Variants in FMOD observed in about 807,000 individuals in gnomAD.
The protein encoded by FMOD is fibromodulin, also known as KSPG fibromodulin.
In FMOD, 15 loss-of-function variants were observed where a neutral mutation model predicts 27.0. That is an observed-to-expected ratio of 0.55 (90% CI 0.37 to 0.85). The LOEUF (loss-of-function observed/expected upper bound fraction) is 0.85, where lower values mean the gene tolerates loss of function less well. FMOD is among the 40% of genes least tolerant of loss of function. The pLI, the probability that FMOD is intolerant of heterozygous loss-of-function variation, is 0.00. For synonymous variants in FMOD, 210 were observed against 214.0 expected (o/e 0.98, Z 0.16); for missense variants, 460 against 483.2 (o/e 0.95, Z 0.45).
At chr1:203,348,567 A>G (rs920224935) in intron 1 of FMOD, among the ~76,000 whole-genome samples, 1 of 151,072 alleles carries the variant, frequency 6.6e-6, no homozygotes, top group Non-Finnish European at 1.5e-5. Flanking sequence ...TTTTTTTTGG[A>G]GGGGCAGATT....
chr1:203,345,932 C>T (rs755742443), intron 2 of FMOD, among the ~76,000 whole-genome samples: 1 of 151,476 alleles, frequency 6.6e-6, no homozygotes, highest in Non-Finnish European at 1.5e-5. Context: ...GAGGACCCCT[C>T]AATCCCCACC....
intron 1 of FMOD, among the ~76,000 whole-genome samples, chr1:203,350,563 C>T (rs569168258): frequency 2.1e-5 from 3 of 144,272 alleles, no homozygotes; most frequent in African/African-American, 8.1e-5. Context: ...TTTATTCTCT[C>T]CTTTCCACTC....
At position 203,347,467 on chromosome 1, in the gene FMOD, G is replaced by A. The variant is rs1215483987; in HGVS notation, c.804C>T (p.Pro268=). ...GGGACAGCCGCACATACAGCAGCTT[G>A]GGCGCCCCCCGGAAGTAGCTATCGG... is the stretch of plus-strand genomic sequence containing the variant. ...TVPDSYFRGA[P]KLLYVRLSHN... The change falls in exon 2 of 3, where the codon CCC becomes CCT. Residue 268 remains proline (P), a synonymous_variant. Transcript: ENST00000354955. 3.1e-6 allele frequency: 5 copies of A among 1,613,972 alleles called. No homozygotes were observed. Among genetic ancestry groups the A allele is most frequent in the Non-Finnish European group, 2.5e-6 (3 of 1,180,034 alleles).
At chr1:203,343,295 A>C (rs2102301387) in intron 2 of FMOD, among the ~76,000 whole-genome samples, 1 of 152,288 alleles carries the variant, frequency 6.6e-6, no homozygotes, top group Middle Eastern at 3.4e-3. Context: ...TATTAGCATA[A>C]ATCTTTCTGT....
chr1:203,347,490 C>A lies in FMOD; in HGVS notation c.781G>T (p.Asp261Tyr). 6.2e-7 allele frequency: 1 copy of A among 1,614,186 alleles called. No homozygotes were observed. Among genetic ancestry groups the A allele is most frequent in the Non-Finnish European group, 8.5e-7 (1 of 1,180,030 alleles). Residue 261 changes from aspartate to tyrosine, a missense_variant, in exon 2 of 3, where the codon GAT (aspartate) becomes TAT (tyrosine). By Grantham distance (160) the Asp-to-Tyr change is radical. Coordinates refer to ENST00000354955, the MANE Select transcript of FMOD (RefSeq NM_002023.5). ...MEHNNVYTVP[D>Y]SYFRGAPKLL... is the part of the protein sequence containing the mutation. ...TTGGGCGCCCCCCGGAAGTAGCTAT[C>A]GGGGACGGTGTAGACATTGTTGTGC...
At chr1:203,345,460 A>C (rs2102302774) in intron 2 of FMOD, among the ~76,000 whole-genome samples, 1 of 152,294 alleles carries the variant, frequency 6.6e-6, no homozygotes, top group Middle Eastern at 3.4e-3. Context: ...TCAGGGTCAA[A>C]CTTGGATGAA....
At position 203,347,498 on chromosome 1, in the gene FMOD, G is replaced by T; in HGVS notation, c.773C>A (p.Thr258Asn). The T allele has an allele frequency of 6.2e-7, 1 of 1,614,192 alleles. No individual in the cohort carries two copies. The highest frequency in any genetic ancestry group is 8.5e-7 in the Non-Finnish European group (1 of 1,180,036). The change falls in exon 2 of 3, where the codon ACC (threonine) becomes AAC (asparagine). Residue 258 changes from threonine to asparagine, a missense_variant. Coordinates refer to ENST00000354955, the MANE Select transcript of FMOD (RefSeq NM_002023.5). Reference protein sequence around the residue: ...QLYMEHNNVYTVPDSYFRGAP... With the variant: ...QLYMEHNNVYNVPDSYFRGAP... The stretch of plus-strand genomic sequence containing the variant: ...CCCCCGGAAGTAGCTATCGGGGACG[G>T]TGTAGACATTGTTGTGCTCCATGTA...
At chr1:203,343,016 G>A (rs1571516329) in intron 2 of FMOD, among the ~76,000 whole-genome samples, 1 of 152,166 alleles carries the variant, frequency 6.6e-6, no homozygotes, top group Admixed American at 6.6e-5. Context: ...AGAGACAAGT[G>A]TCTTTGTGTG....
At position 203,347,780 on chromosome 1, in the gene FMOD, T is replaced by C; in HGVS notation, c.491A>G (p.His164Arg). Residue 164 changes from histidine (H) to arginine (R), a missense_variant, in exon 2 of 3, where the codon CAC becomes CGC. Coordinates refer to ENST00000354955, the MANE Select transcript of FMOD (RefSeq NM_002023.5). ...LRHLERLYLD[H>R]NNLTRMPGPL... ...ACCGGGCATCCGGGTCAGGTTGTTG[T>C]GGTCCAGGTACAGCCTCTCCAGGTG... The C allele has an allele frequency of 1.9e-6, 3 of 1,613,896 alleles. No homozygotes were observed. The highest frequency in any genetic ancestry group is 2.5e-6 in the Non-Finnish European group (3 of 1,180,036).
chr1:203,345,894 T>C (rs895557035), intron 2 of FMOD, among the ~76,000 whole-genome samples: 90 of 39,212 alleles, frequency 2.3e-3, no homozygotes, highest in African/African-American at 4.6e-3. Context: ...CGAGACTCTG[T>C]CTCAAAAAAA....
chr1:203,343,849 T>G (rs547271929), intron 2 of FMOD, among the ~76,000 whole-genome samples: 1 of 152,362 alleles, frequency 6.6e-6, no homozygotes, highest in South Asian at 2.1e-4. Flanking sequence ...AAAGTGTTTT[T>G]AAATTAGCAT....
At position 203,341,188 on chromosome 1, in the gene FMOD, G is replaced by T. The variant is rs1658788987; in HGVS notation, c.*1155C>A. 1.3e-5 allele frequency: 2 copies of T among 152,230 alleles called. No individual in the cohort carries two copies. The highest frequency in any genetic ancestry group is 4.8e-5 in the African/African-American group (2 of 41,452). The allele number at this position is 152,230 out of a possible 1,614,324, so 9.4% of individuals were successfully genotyped here. On this transcript the variant is annotated 3_prime_UTR_variant, in exon 3 of 3. Coordinates refer to ENST00000354955, the MANE Select transcript of FMOD (RefSeq NM_002023.5). ...CCTGGCCTGGGCTTCACGGACCCCA[G>T]CCAGAGCTGGTACTTTTTAACTATG... is the stretch of plus-strand genomic sequence containing the variant.
In FMOD at chr1:203,348,025, G is replaced by A. The variant is rs775590878; in HGVS notation, c.246C>T (p.Cys82=). The change falls in exon 2 of 3, where the codon TGC becomes TGT. Residue 82 remains cysteine (C), a synonymous_variant. Transcript: ENST00000354955. The stretch of plus-strand genomic sequence containing the variant: ...ACATGGCCGTGGGGAAGTTGGGTGG[G>A]CAGTCGCACTCCTGGGGGCAGTCGC... ...DPRDCPQECD[C]PPNFPTAMYC... The A allele has an allele frequency of 2.5e-6, 4 of 1,609,954 alleles. No homozygotes were observed. In the South Asian group the frequency reaches 4.4e-5, roughly 18 times the overall value.
chr1:203,342,403 G>T lies in FMOD; in HGVS notation c.1071C>A (p.Arg357=). ...VLRLDGNEIK[R]SAMPADAPLC... ...GGGGCGCGTCGGCAGGCATGGCGCT[G>T]CGCTTGATCTCGTTCCCGTCCAGGC... The change falls in exon 3 of 3, where the codon CGC becomes CGA. Residue 357 remains arginine, a synonymous_variant. Transcript: ENST00000354955. 6.2e-7 allele frequency: 1 copy of T among 1,614,118 alleles called. No homozygotes were observed. Among genetic ancestry groups the T allele is most frequent in the Non-Finnish European group, 8.5e-7 (1 of 1,180,006 alleles).
In FMOD at chr1:203,347,453, A is replaced by T. The variant is rs372909728; in HGVS notation, c.818T>A (p.Val273Glu). The T allele has an allele frequency of 6.2e-7, 1 of 1,614,196 alleles. No individual in the cohort carries two copies. Among genetic ancestry groups the T allele is most frequent in the Non-Finnish European group, 8.5e-7 (1 of 1,180,040 alleles). The change falls in exon 2 of 3, where the codon GTG becomes GAG. Residue 273 changes from valine (V) to glutamate (E), a missense_variant. Val to Glu is a moderately radical substitution (Grantham distance 121, BLOSUM62 -2). Transcript: ENST00000354955. The stretch of plus-strand genomic sequence containing the variant: ...GGTTAGACTGTTGTGGGACAGCCGC[A>T]CATACAGCAGCTTGGGCGCCCCCCG... ...YFRGAPKLLY[V>E]RLSHNSLTNN...
At position 203,342,465 on chromosome 1, in the gene FMOD, C is replaced by T. The variant is rs1481810664; in HGVS notation, c.1009G>A (p.Val337Met). The T allele has an allele frequency of 6.2e-7, 1 of 1,614,130 alleles. No individual in the cohort carries two copies. The highest frequency in any genetic ancestry group is 2.2e-5 in the East Asian group (1 of 44,878). Residue 337 changes from valine to methionine, a missense_variant, in exon 3 of 3, where the codon GTG becomes ATG. Transcript: ENST00000354955. Reference sequence around the variant, plus strand: ...AGCTTGGAGAAGTTCACGACGTCCACCACGGTGCAGAAGCTGCTGATGGAG... The same window carrying T: ...AGCTTGGAGAAGTTCACGACGTCCATCACGGTGCAGAAGCTGCTGATGGAG... Reference protein sequence around the residue: ...EFSISSFCTVVDVVNFSKLQV... With the variant: ...EFSISSFCTVMDVVNFSKLQV...
At chr1:203,342,566 G>C in intron 2 of FMOD, 72 bp from the exon 3 acceptor site, 1 of 1,494,392 alleles carries the variant, frequency 6.7e-7, no homozygotes. Context: ...AGTGAGATTA[G>C]CCTTTGTGAA....
chr1:203,346,340 G>C (rs1658888303), intron 2 of FMOD, among the ~76,000 whole-genome samples: 1 of 152,006 alleles, frequency 6.6e-6, no homozygotes, highest in African/African-American at 2.4e-5. Flanking sequence ...GGGAGGTCAA[G>C]TGCTGGCTCA....
chr1:203,348,034 C>T lies in FMOD; in HGVS notation c.237G>A (p.Glu79=), dbSNP rs7543148. The T allele has an allele frequency of 0.8, 1,281,302 of 1,610,684 alleles. 520,653 individuals are homozygous for T. Among genetic ancestry groups the T allele is most frequent in the Non-Finnish European group, 0.84 (985,152 of 1,177,944 alleles). Residue 79 remains glutamate, a synonymous_variant, in exon 2 of 3, where the codon GAG becomes GAA. Coordinates refer to ENST00000354955, the MANE Select transcript of FMOD (RefSeq NM_002023.5). ...SPPDPRDCPQ[E]CDCPPNFPTA... is the part of the protein sequence containing the mutation. ...TGGGGAAGTTGGGTGGGCAGTCGCA[C>T]TCCTGGGGGCAGTCGCGGGGATCTG... is the stretch of plus-strand genomic sequence containing the variant.
Sources: allele counts gnomAD v4.1 joint callset (sites outside exome capture counted in the v4.1 genomes callset), GRCh38; gene constraint gnomAD v4.1.1; transcripts MANE v1.5; gene names NCBI Gene and HGNC (gene_info 2026-07-23, HGNC 2026-07-21).